Variants in INSYN2B observed in about 807,000 individuals in gnomAD.
INSYN2B encodes protein INSYN2B.
In INSYN2B, 16 loss-of-function variants were observed where a neutral mutation model predicts 41.2. The ratio of observed to expected loss-of-function variants is 0.39; its 90% CI spans 0.26 to 0.59. The LOEUF is 0.59. Among genes scored for constraint, INSYN2B ranks in the 20% least tolerant of loss-of-function variants. The pLI, the probability that INSYN2B is intolerant of heterozygous loss-of-function variation, is 0.57. For missense variants in INSYN2B, 608 were observed against 646.4 expected, an observed-to-expected ratio of 0.94 and a Z score of 0.64; for synonymous variants, 245 against 244.4, an observed-to-expected ratio of 1.00 and a Z score of -0.02.
At chr5:169,936,053 T>A (rs1213951169) in intron 1 of INSYN2B, among the ~76,000 whole-genome samples, 1 of 152,164 alleles carries the variant, frequency 6.6e-6, no homozygotes, top group Non-Finnish European at 1.5e-5. Context: ...AAGAAGTCTG[T>A]TTCTGTTTCC....
intron 3 of INSYN2B, among the ~76,000 whole-genome samples, chr5:169,873,452 A>T (rs1380541623): frequency 6.6e-6 from 1 of 152,178 alleles, no homozygotes; most frequent in African/African-American, 2.4e-5. Flanking sequence ...CTCAGTCCAT[A>T]TTGGAATTTG....
chr5:169,913,786 A>G (rs1021569737), intron 1 of INSYN2B, among the ~76,000 whole-genome samples: 3 of 152,150 alleles, frequency 2.0e-5, no homozygotes, highest in African/African-American at 4.8e-5. Flanking sequence ...TTTTTGATCA[A>G]TGAGGAATTA....
chr5:169,888,969 G>A (rs1174648742), intron 1 of INSYN2B, among the ~76,000 whole-genome samples: 1 of 152,142 alleles, frequency 6.6e-6, no homozygotes, highest in Non-Finnish European at 1.5e-5. Flanking sequence ...TGTGTCTTTA[G>A]CATTGTGCTT....
At chr5:169,950,200 C>T (rs969596601) in intron 1 of INSYN2B, among the ~76,000 whole-genome samples, 3 of 152,176 alleles carry the variant, frequency 2.0e-5, no homozygotes, top group African/African-American at 7.2e-5. Context: ...TCACTGGAGC[C>T]AGCCTGTCAG....
At chr5:169,916,672 T>C (rs988066615) in intron 1 of INSYN2B, among the ~76,000 whole-genome samples, 2 of 75,314 alleles carry the variant, frequency 2.7e-5, no homozygotes, top group Non-Finnish European at 4.9e-5. Flanking sequence ...ATTGGTAACT[T>C]TTCAAAATAT....
chr5:169,909,205 C>T (rs533261723), intron 1 of INSYN2B, among the ~76,000 whole-genome samples: 1 of 152,284 alleles, frequency 6.6e-6, no homozygotes, highest in Non-Finnish European at 1.5e-5. Flanking sequence ...GAACCTTGTA[C>T]CACATGAAGC....
chr5:169,885,391 T>C (rs1772915143), intron 1 of INSYN2B, among the ~76,000 whole-genome samples: 1 of 152,152 alleles, frequency 6.6e-6, no homozygotes, highest in Admixed American at 6.5e-5. Context: ...CAGGTCCTTG[T>C]GAATTAAAGA....
At chr5:169,872,711 C>CACTT (rs1324123489) in intron 3 of INSYN2B, among the ~76,000 whole-genome samples, 1 of 152,140 alleles carries the variant, frequency 6.6e-6, no homozygotes, top group Non-Finnish European at 1.5e-5. Context: ...AAAGTTAACA[C>CACTT]ACTTATTCAC....
intron 1 of INSYN2B, among the ~76,000 whole-genome samples, chr5:169,939,505 C>G (rs185760790): frequency 9.9e-5 from 15 of 152,220 alleles, no homozygotes; most frequent in South Asian, 2.1e-4. Flanking sequence ...AATACATAAA[C>G]CAGTAACAGT....
chr5:169,971,250 C>G (rs1777496618), intron 1 of INSYN2B, among the ~76,000 whole-genome samples: 1 of 151,486 alleles, frequency 6.6e-6, no homozygotes, highest in African/African-American at 2.4e-5. Context: ...AATGAAGTAT[C>G]ATTCCCAGAG....
chr5:169,944,037 G>A lies in INSYN2B; in HGVS notation c.-919+36240C>T, dbSNP rs373907181. Among the ~76,000 whole-genome samples the A allele has an allele frequency of 1.6e-3, 243 of 152,334 alleles. 4 individuals are homozygous for A. The South Asian group carries it at 0.043, about 27-fold the overall frequency. Reference sequence around the variant, plus strand: ...CTCCAGGTCTGTGGACTAAGAATTAGTATTTATAAAGTGCTGACCATGTGC... The same window carrying A: ...CTCCAGGTCTGTGGACTAAGAATTAATATTTATAAAGTGCTGACCATGTGC... On this transcript the variant is annotated intron_variant, in intron 1 of 3. Coordinates refer to ENST00000377365, the MANE Select transcript of INSYN2B (RefSeq NM_001129891.3).
At position 169,883,209 on chromosome 5, in the gene INSYN2B, A is replaced by C. The variant is rs17646221; in HGVS notation, c.690T>G (p.Ser230Arg). 833,161 of 1,551,010 alleles carry C rather than the reference A, an allele frequency of 0.54. 227,617 individuals carry two copies. Among genetic ancestry groups the C allele is most frequent in the Non-Finnish European group, 0.56 (640,001 of 1,146,664 alleles). Residue 230 changes from serine to arginine, a missense_variant, in exon 2 of 4, where the codon AGT (serine) becomes AGG (arginine). Ser to Arg is a moderately radical substitution (Grantham distance 110). Transcript: ENST00000377365. ...TGTCATCCAAAGGGTGTATGGAGTTACTTACTTCAGCTGACCTGTCTGGGC... is the reference window on the plus strand; with the variant it reads ...TGTCATCCAAAGGGTGTATGGAGTTCCTTACTTCAGCTGACCTGTCTGGGC... ...ALSPDRSAEV[S>R]NSIHPLDDTR...
chr5:169,875,336 T>C (rs1311888150), intron 3 of INSYN2B: 2 of 456,538 alleles, frequency 4.4e-6, no homozygotes, highest in South Asian at 1.5e-5. Context: ...GAGGTTCCGA[T>C]GCAGATGGTC....
At chr5:169,905,517 G>C (rs943013278) in intron 1 of INSYN2B, among the ~76,000 whole-genome samples, 1 of 152,218 alleles carries the variant, frequency 6.6e-6, no homozygotes, top group Non-Finnish European at 1.5e-5. Context: ...TATGTTGGGA[G>C]AGGACAGTTT....
chr5:169,965,228 G>T (rs1302687590), intron 1 of INSYN2B, among the ~76,000 whole-genome samples: 2 of 152,044 alleles, frequency 1.3e-5, no homozygotes, highest in Admixed American at 1.3e-4. Context: ...AATTTCCATG[G>T]GCCTAATACC....
intron 2 of INSYN2B, among the ~76,000 whole-genome samples, chr5:169,882,231 T>TC (rs1175414506): frequency 2.0e-5 from 3 of 152,136 alleles, no homozygotes; most frequent in African/African-American, 7.2e-5. Flanking sequence ...GCTATCATTT[T>TC]CCCCCATCAT....
chr5:169,929,436 T>A (rs1377643542), intron 1 of INSYN2B, among the ~76,000 whole-genome samples: 1 of 152,032 alleles, frequency 6.6e-6, no homozygotes, highest in East Asian at 1.9e-4. Context: ...TGAGATAAGA[T>A]GGTAAGAAGT....
At chr5:169,868,392 A>G (rs1284558547) in intron 3 of INSYN2B, among the ~76,000 whole-genome samples, 3 of 152,262 alleles carry the variant, frequency 2.0e-5, no homozygotes, top group Non-Finnish European at 4.4e-5. Flanking sequence ...CTCTGACTTC[A>G]TAATTCAAAT....
chr5:169,920,866 C>G (rs62384858), intron 1 of INSYN2B, among the ~76,000 whole-genome samples: 62,125 of 152,014 alleles, frequency 0.41, 13,525 homozygotes, highest in African/African-American at 0.57. Flanking sequence ...ACACCTGTAT[C>G]TCCTCCAAGC....
Sources: allele counts gnomAD v4.1 joint callset (sites outside exome capture counted in the v4.1 genomes callset), GRCh38; gene constraint gnomAD v4.1.1; transcripts MANE v1.5; gene names NCBI Gene and HGNC (gene_info 2026-07-23, HGNC 2026-07-21).